EGFR: variants seen among roughly 807,000 people sequenced by gnomAD.
EGFR encodes the protein epidermal growth factor receptor, also known as avian erythroblastic leukemia viral (v-erb-b) oncogene homolog.
A neutral mutation model predicts 143.0 loss-of-function variants in EGFR; 58 were observed. The observed-to-expected ratio is 0.41, with a 90% CI of 0.33 to 0.50. The LOEUF (loss-of-function observed/expected upper bound fraction) is 0.50, where lower values mean the gene tolerates loss of function less well. EGFR is among the 20% of genes least tolerant of loss of function. The pLI is 0.39. For missense variants in EGFR, 1,307 were observed against 1,579.0 expected (o/e 0.83, Z 2.92); for synonymous variants, 613 against 594.4 (o/e 1.03, Z -0.45).
At chr7:55,126,814 G>A (rs1258368795) in intron 1 of EGFR, among the ~76,000 whole-genome samples, 1 of 152,176 alleles carries the variant, frequency 6.6e-6, no homozygotes, top group Non-Finnish European at 1.5e-5. Flanking sequence ...TTTTATAAAT[G>A]TTATCTTGTT....
Position 55,171,338 on chromosome 7 carries a change from AG to A in EGFR, c.1919+126del, listed in dbSNP as rs1786340069. 2.9e-6 allele frequency: 4 copies of A among 1,365,876 alleles called. No homozygotes were observed. The African/African-American group carries it at 5.7e-5, about 19-fold the overall frequency. The allele number at this position is 1,365,876 out of a possible 1,614,324, so 84.6% of individuals were successfully genotyped here. A position where few individuals can be genotyped will look rare whatever the true frequency, so the allele number is the denominator to read the frequency against. ...GATCAAGTTTCTATGGCTCTGGGCC[AG>A]CCTACCCTCAGCCAGGGTTTCTGCA... On this transcript the variant is annotated intron_variant, in intron 16 of 27. Coordinates refer to ENST00000275493, the MANE Select transcript of EGFR (RefSeq NM_005228.5).
chr7:55,172,949 C>T (rs1786419076), intron 16 of EGFR, 34 bp from the exon 17 acceptor site: 5 of 1,614,042 alleles, frequency 3.1e-6, no homozygotes, highest in African/African-American at 1.3e-5. Flanking sequence ...CTGTCAGCAA[C>T]CTCACCCTTC....
intron 19 of EGFR, among the ~76,000 whole-genome samples, chr7:55,175,414 T>C (rs1786552461): frequency 6.6e-6 from 1 of 152,230 alleles, no homozygotes; most frequent in African/African-American, 2.4e-5. Flanking sequence ...TCTTGGAAAA[T>C]TCCACAAGAT....
intron 6 of EGFR, 26 bp from the exon 7 acceptor site, chr7:55,153,985 C>A (rs748680475): frequency 6.2e-7 from 1 of 1,614,164 alleles, no homozygotes; most frequent in South Asian, 1.1e-5. Flanking sequence ...ACCTCACTTG[C>A]CCAGCGTGTC....
intron 1 of EGFR, among the ~76,000 whole-genome samples, chr7:55,042,767 G>T (rs113558289): frequency 4.6e-5 from 7 of 152,176 alleles, no homozygotes; most frequent in Middle Eastern, 3.4e-3. Flanking sequence ...GCGGTCCCAC[G>T]TGAGGCTGGA....
rs1785439744 is a variant in EGFR at position 55,156,778 on chromosome 7, C to G, written c.1153C>G (p.Pro385Ala). ...AFRGDSFTHT[P>A]PLDPQELDIL... ...TTTCAGTGACTCCTTCACACATACT[C>G]CTCCTCTGGATCCACAGGAACTGGA... is the stretch of plus-strand genomic sequence containing the variant. The change falls in exon 10 of 28, where the codon CCT (proline) becomes GCT (alanine). Residue 385 changes from proline (P) to alanine (A), a missense_variant. By Grantham distance (27) the Pro-to-Ala change is conservative (BLOSUM62 -1). Coordinates refer to ENST00000275493, the MANE Select transcript of EGFR (RefSeq NM_005228.5). 6.2e-7 allele frequency: 1 copy of G among 1,614,188 alleles called. No homozygotes were observed. The highest frequency in any genetic ancestry group is 8.5e-7 in the Non-Finnish European group (1 of 1,180,032).
rs138068093 is a variant in EGFR, at chr7:55,126,440, C to T, written c.89-15846C>T. Among the ~76,000 whole-genome samples the T allele has an allele frequency of 4.1e-3, 623 of 152,336 alleles. 11 individuals carry two copies. Among genetic ancestry groups the T allele is most frequent in the African/African-American group, 0.014 (576 of 41,578 alleles). ...CACGAGGGAGGCATTCTTCTACTCC[C>T]ACTTAACAGACAAGGACAGTGAAGC... is the stretch of plus-strand genomic sequence containing the variant. On this transcript the variant is annotated intron_variant, in intron 1 of 27. Transcript: ENST00000275493.
At chr7:55,063,451 A>G (rs1789311311) in intron 1 of EGFR, among the ~76,000 whole-genome samples, 1 of 152,216 alleles carries the variant, frequency 6.6e-6, no homozygotes, top group Non-Finnish European at 1.5e-5. Flanking sequence ...GTGTGTGTTT[A>G]AGATTAAAAG....
chr7:55,071,309 G>A (rs541635805), intron 1 of EGFR, among the ~76,000 whole-genome samples: 16 of 152,348 alleles, frequency 1.1e-4, no homozygotes, highest in Admixed American at 8.5e-4. Context: ...ATTTTCACGT[G>A]AAGACTTTAG....
intron 12 of EGFR, among the ~76,000 whole-genome samples, chr7:55,161,107 G>A (rs1785675096): frequency 6.6e-6 from 1 of 152,196 alleles, no homozygotes. Flanking sequence ...CTGCTCCTCT[G>A]CACACCTGGT....
chr7:55,143,346 C>A lies in EGFR; in HGVS notation c.282C>A (p.Asn94Lys), dbSNP rs1794574333. The A allele has an allele frequency of 6.2e-7, 1 of 1,614,148 alleles. No homozygotes were observed. The highest frequency in any genetic ancestry group is 2.2e-5 in the East Asian group (1 of 44,906). Residue 94 changes from asparagine (N) to lysine (K), a missense_variant, in exon 3 of 28, where the codon AAC becomes AAA. Coordinates refer to ENST00000275493, the MANE Select transcript of EGFR (RefSeq NM_005228.5). ...EVAGYVLIALNTVERIPLENL... is the reference protein window; with the variant it reads ...EVAGYVLIALKTVERIPLENL... ...CTGGTTATGTCCTCATTGCCCTCAACACAGTGGAGCGAATTCCTTTGGAAA... is the reference window on the plus strand; with the variant it reads ...CTGGTTATGTCCTCATTGCCCTCAAAACAGTGGAGCGAATTCCTTTGGAAA...
At chr7:55,086,892 C>T (rs1266019802) in intron 1 of EGFR, among the ~76,000 whole-genome samples, 10 of 152,210 alleles carry the variant, frequency 6.6e-5, no homozygotes, top group African/African-American at 1.7e-4. Context: ...CTCTCCCTCA[C>T]GCTCTGCATC....
At chr7:55,105,075 T>C (rs2110290) in intron 1 of EGFR, among the ~76,000 whole-genome samples, 49,396 of 152,114 alleles carry the variant, frequency 0.32, 8,852 homozygotes, top group East Asian at 0.71. Flanking sequence ...ACAATGGATG[T>C]TTGCTTTTGA....
intron 22 of EGFR, among the ~76,000 whole-genome samples, chr7:55,195,420 AGTT>A (rs1426204262): frequency 6.6e-6 from 1 of 152,144 alleles, no homozygotes; most frequent in Non-Finnish European, 1.5e-5. Flanking sequence ...TAACCATCAT[AGTT>A]GTTTGATTTT....
chr7:55,051,204 GT>G (rs1186239673), intron 1 of EGFR, among the ~76,000 whole-genome samples: 1 of 152,222 alleles, frequency 6.6e-6, no homozygotes, highest in Non-Finnish European at 1.5e-5. Flanking sequence ...GAAGTGACAT[GT>G]GTGGCAGGCA....
intron 1 of EGFR, among the ~76,000 whole-genome samples, chr7:55,026,282 A>G (rs1420695844): frequency 6.6e-6 from 1 of 152,202 alleles, no homozygotes; most frequent in South Asian, 2.1e-4. Context: ...TGCATATTTC[A>G]TTAGTAAATC....
intron 3 of EGFR, among the ~76,000 whole-genome samples, chr7:55,144,659 G>C (rs531439459): frequency 1.5e-4 from 23 of 152,218 alleles, no homozygotes; most frequent in African/African-American, 5.3e-4. Context: ...CAGAGCAGCC[G>C]CGCACATGCT....
At chr7:55,091,616 G>A (rs1791118836) in intron 1 of EGFR, among the ~76,000 whole-genome samples, 1 of 152,184 alleles carries the variant, frequency 6.6e-6, no homozygotes, top group Non-Finnish European at 1.5e-5. Flanking sequence ...AGCTATTGGT[G>A]GAAAGAGTTC....
intron 1 of EGFR, among the ~76,000 whole-genome samples, chr7:55,036,602 A>G (rs1787601226): frequency 1.3e-5 from 2 of 152,214 alleles, no homozygotes; most frequent in South Asian, 4.1e-4. Context: ...AGATTTTATT[A>G]GAAAATTCAG....
Sources: gnomAD v4.1 joint callset for allele counts (sites outside exome capture counted in the v4.1 genomes callset) on GRCh38, gnomAD v4.1.1 for gene constraint, MANE v1.5 for transcripts, NCBI Gene and HGNC (gene_info 2026-07-23, HGNC 2026-07-21) for gene names.